IQUB: variants seen among roughly 807,000 people sequenced by gnomAD.
The protein encoded by IQUB is IQ motif and ubiquitin-like domain-containing protein.
IQUB carries 86 observed loss-of-function variants against 86.4 expected under a neutral mutation model. The observed-to-expected ratio is 1.00, with a 90% CI of 0.84 to 1.19. The LOEUF (loss-of-function observed/expected upper bound fraction) is 1.19, where lower values mean the gene tolerates loss of function less well. Ranked by LOEUF, IQUB falls within the 50% of genes most tolerant of loss-of-function variation. The pLI is 0.00. For synonymous variants in IQUB, 289 were observed against 304.5 expected, an observed-to-expected ratio of 0.95 and a Z score of 0.53; for missense variants, 946 against 916.9, an observed-to-expected ratio of 1.03 and a Z score of -0.41.
chr7:123,527,070 T>G (rs1797255772), intron 1 of IQUB, among the ~76,000 whole-genome samples: 1 of 152,236 alleles, frequency 6.6e-6, no homozygotes, highest in African/African-American at 2.4e-5. Flanking sequence ...TCATTTCATC[T>G]TCCATCGCTG....
chr7:123,467,814 T>A (rs1794332250), intron 9 of IQUB, among the ~76,000 whole-genome samples: 1 of 152,124 alleles, frequency 6.6e-6, no homozygotes, highest in South Asian at 2.1e-4. Flanking sequence ...ACTTGGGAAA[T>A]GTTTGCTTCC....
intron 7 of IQUB, among the ~76,000 whole-genome samples, chr7:123,493,138 G>A (rs972800499): frequency 6.6e-6 from 1 of 152,072 alleles, no homozygotes; most frequent in African/African-American, 2.4e-5. Context: ...TCAGACCCCA[G>A]TCTACCATCC....
At chr7:123,530,438 A>T (rs1400363873) in intron 1 of IQUB, among the ~76,000 whole-genome samples, 1 of 152,176 alleles carries the variant, frequency 6.6e-6, no homozygotes. Context: ...CTGAAAAAAA[A>T]CAAAAAACCA....
intron 1 of IQUB, among the ~76,000 whole-genome samples, chr7:123,523,762 A>G (rs1446715523): frequency 6.6e-6 from 1 of 152,034 alleles, no homozygotes; most frequent in Non-Finnish European, 1.5e-5. Flanking sequence ...GGTGTTTTAG[A>G]CATGAAGTCC....
In IQUB at chr7:123,476,435, C is replaced by T. The variant is rs1443553741; in HGVS notation, c.1410+3360G>A. Among the ~76,000 whole-genome samples, 8 of 152,030 alleles carry T rather than the reference C, an allele frequency of 5.3e-5. No homozygotes were observed. The East Asian group carries it at 1.5e-3, about 29-fold the overall frequency. ...TGCAAGTAATCAAGCATGGCTGAAG[C>T]AGTGTGGGTATAGTATTCAGGGAGA... is the stretch of plus-strand genomic sequence containing the variant. On this transcript the variant is annotated intron_variant, in intron 8 of 12. Transcript: ENST00000324698.
intron 1 of IQUB, among the ~76,000 whole-genome samples, chr7:123,517,530 CAAAAAAAA>C (rs374712007): frequency 8.9e-5 from 2 of 22,452 alleles, no homozygotes; most frequent in Non-Finnish European, 1.5e-4. Flanking sequence ...GACTCCATCT[CAAAAAAAA>C]AAAAAAAAAA....
intron 6 of IQUB, 60 bp from the exon 7 acceptor site, chr7:123,496,966 A>G (rs1172942891): frequency 9.9e-7 from 1 of 1,005,084 alleles, no homozygotes; most frequent in East Asian, 2.5e-5. Context: ...ATCAGACAAT[A>G]AAGGCAATGA....
intron 6 of IQUB, 86 bp from the exon 7 acceptor site, chr7:123,496,992 CA>C (rs1795734714): frequency 1.3e-6 from 1 of 754,752 alleles, no homozygotes; most frequent in Non-Finnish European, 2.1e-6. Context: ...ATTTCAATTC[CA>C]ATTCCACAAC....
chr7:123,496,667 A>AT, intron 7 of IQUB, 29 bp downstream of exon 7: 1 of 1,324,458 alleles, frequency 7.6e-7, no homozygotes, highest in African/African-American at 1.5e-5. Context: ...ATTTAAAAAT[A>AT]TTTTTTGCAA....
At chr7:123,517,400 A>G (rs1340386406) in intron 1 of IQUB, among the ~76,000 whole-genome samples, 4 of 151,634 alleles carry the variant, frequency 2.6e-5, no homozygotes, top group Non-Finnish European at 5.9e-5. Context: ...GCGTTGTGGC[A>G]GGCGCCTGTA....
chr7:123,523,645 T>C (rs2117337601), intron 1 of IQUB, among the ~76,000 whole-genome samples: 1 of 151,698 alleles, frequency 6.6e-6, no homozygotes, highest in South Asian at 2.1e-4. Flanking sequence ...TTCTCCCATT[T>C]TGTAGGTTGC....
chr7:123,492,928 G>T (rs1021007812), intron 7 of IQUB, among the ~76,000 whole-genome samples: 1 of 152,058 alleles, frequency 6.6e-6, no homozygotes, highest in Non-Finnish European at 1.5e-5. Flanking sequence ...TATTAAACAG[G>T]ACCAAGAGCA....
chr7:123,502,535 C>T (rs1795989902), intron 6 of IQUB, 62 bp downstream of exon 6: 1 of 1,449,394 alleles, frequency 6.9e-7, no homozygotes, highest in Non-Finnish European at 9.6e-7. Flanking sequence ...AAGAGACACA[C>T]TCGGAACAAC....
intron 8 of IQUB, among the ~76,000 whole-genome samples, chr7:123,471,139 A>G (rs974355365): frequency 6.6e-6 from 1 of 152,102 alleles, no homozygotes; most frequent in African/African-American, 2.4e-5. Flanking sequence ...CCCTATAATT[A>G]ATTTAAATTG....
chr7:123,490,258 T>A (rs1418028235), intron 7 of IQUB, among the ~76,000 whole-genome samples: 1 of 152,078 alleles, frequency 6.6e-6, no homozygotes, highest in African/African-American at 2.4e-5. Context: ...CATATCAATA[T>A]CAGGCAAAGT....
At chr7:123,457,056 T>C in intron 12 of IQUB, 1 of 379,766 alleles carries the variant, frequency 2.6e-6, no homozygotes, top group Non-Finnish European at 3.6e-6. Flanking sequence ...ACAGGCAGTA[T>C]TGTAGGTATT....
chr7:123,525,237 C>T lies in IQUB; in HGVS notation c.-5+9255G>A, dbSNP rs915670103. 2.6e-5 allele frequency among the ~76,000 whole-genome samples: 4 copies of T among 151,884 alleles called. No individual in the cohort carries two copies. The East Asian group carries it at 7.7e-4, about 29-fold the overall frequency. On this transcript the variant is annotated intron_variant, in intron 1 of 12. Coordinates refer to ENST00000324698, the MANE Select transcript of IQUB (RefSeq NM_178827.5). Reference sequence around the variant, plus strand: ...TCATAAAATGAGTTAGGGAGGATTCCCTCTTTTTCTATTGATCGGAATAGT... The same window carrying T: ...TCATAAAATGAGTTAGGGAGGATTCTCTCTTTTTCTATTGATCGGAATAGT...
At chr7:123,456,357 C>T (rs532562627) in intron 12 of IQUB, among the ~76,000 whole-genome samples, 1 of 152,118 alleles carries the variant, frequency 6.6e-6, no homozygotes, top group South Asian at 2.1e-4. Context: ...ACTATGCTTC[C>T]TGTGATTAAA....
intron 6 of IQUB, chr7:123,501,682 C>T (rs1562860774): frequency 6.6e-6 from 1 of 152,190 alleles, no homozygotes; most frequent in Non-Finnish European, 1.5e-5. Flanking sequence ...AAACATTTCC[C>T]ATCTCTTTTA....
Sources: gnomAD v4.1 joint callset for allele counts (sites outside exome capture counted in the v4.1 genomes callset) on GRCh38, gnomAD v4.1.1 for gene constraint, MANE v1.5 for transcripts, NCBI Gene and HGNC (gene_info 2026-07-23, HGNC 2026-07-21) for gene names.